Variants in PPP2R2A observed in about 807,000 individuals in gnomAD.
The protein encoded by PPP2R2A is serine/threonine-protein phosphatase 2A 55 kDa regulatory subunit B alpha isoform.
Under a neutral mutation model 53.2 loss-of-function variants are expected in PPP2R2A, and 9 were observed. The ratio of observed to expected loss-of-function variants is 0.17; its 90% CI spans 0.10 to 0.30. The LOEUF (loss-of-function observed/expected upper bound fraction) is 0.30, where lower values mean the gene tolerates loss of function less well. PPP2R2A is among the 10% of genes least tolerant of loss of function. PPP2R2A has a pLI of 1.00. For synonymous variants in PPP2R2A, 169 were observed against 174.2 expected (o/e 0.97, Z 0.23); for missense variants, 235 against 534.6 (o/e 0.44, Z 5.53).
chr8:26,330,666 T>G (rs1000703732), intron 2 of PPP2R2A, among the ~76,000 whole-genome samples: 1 of 152,180 alleles, frequency 6.6e-6, no homozygotes, highest in Non-Finnish European at 1.5e-5. Flanking sequence ...AAAGCTGTTT[T>G]TGGTCCGTGT....
chr8:26,315,566 G>A (rs1464001699), intron 2 of PPP2R2A, among the ~76,000 whole-genome samples: 1 of 152,148 alleles, frequency 6.6e-6, no homozygotes, highest in Non-Finnish European at 1.5e-5. Flanking sequence ...CTCTATTTTA[G>A]AGTCTAGCTT....
chr8:26,298,898 T>G (rs1477933019), intron 2 of PPP2R2A, among the ~76,000 whole-genome samples: 2 of 152,264 alleles, frequency 1.3e-5, no homozygotes, highest in Admixed American at 1.3e-4. Context: ...ATTTTGATAA[T>G]GTGTTTAAAT....
intron 3 of PPP2R2A, among the ~76,000 whole-genome samples, chr8:26,351,491 C>T (rs965913871): frequency 6.6e-6 from 1 of 152,210 alleles, no homozygotes; most frequent in Non-Finnish European, 1.5e-5. Context: ...GGCAACCATA[C>T]TGGACAACAC....
At chr8:26,301,704 T>C (rs888891491) in intron 2 of PPP2R2A, among the ~76,000 whole-genome samples, 6 of 152,198 alleles carry the variant, frequency 3.9e-5, no homozygotes, top group African/African-American at 1.2e-4. Flanking sequence ...AAAATTGATA[T>C]CATTTAGTCC....
In PPP2R2A at chr8:26,362,708, A is replaced by C; in HGVS notation, c.662A>C (p.Asn221Thr). 1 of 1,614,086 alleles carries C rather than the reference A, an allele frequency of 6.2e-7. No homozygotes were observed. The highest frequency in any genetic ancestry group is 8.5e-7 in the Non-Finnish European group (1 of 1,179,972). ...SFNIVDIKPA[N>T]MEELTEVITA... ...GACATTGTGGATATCAAGCCTGCCA[A>C]TATGGAAGAGCTAACAGAGGTGATT... is the stretch of plus-strand genomic sequence containing the variant. The change falls in exon 7 of 10, where the codon AAT (asparagine) becomes ACT (threonine). Residue 221 changes from asparagine (N) to threonine (T), a missense_variant. This residue lies in a region of PPP2R2A where 181 missense variants were observed against 409.9 expected (regional missense o/e 0.44). Transcript: ENST00000380737. This position sits in a 1 kb window ranked among gnomAD's most constrained non-coding sequence, Gnocchi z 4.4.
intron 3 of PPP2R2A, among the ~76,000 whole-genome samples, chr8:26,346,147 ATTT>A (rs748123767): frequency 5.7e-4 from 76 of 134,098 alleles, no homozygotes; most frequent in Non-Finnish European, 6.6e-4. Flanking sequence ...TATTATTATT[ATTT>A]ATTTTAGTTT....
At chr8:26,305,433 A>C (rs1432324710) in intron 2 of PPP2R2A, among the ~76,000 whole-genome samples, 1 of 152,184 alleles carries the variant, frequency 6.6e-6, no homozygotes, top group Admixed American at 6.5e-5. Flanking sequence ...GTCTAGGTAG[A>C]ACATGAAAGT....
chr8:26,356,528 T>C (rs1804792347), intron 4 of PPP2R2A, among the ~76,000 whole-genome samples: 1 of 152,258 alleles, frequency 6.6e-6, no homozygotes, highest in South Asian at 2.1e-4. Context: ...TGTCATATGC[T>C]AGCTTCTAGT....
At chr8:26,358,987 G>A (rs1286660179) in intron 4 of PPP2R2A, 2 of 454,716 alleles carry the variant, frequency 4.4e-6, no homozygotes, top group Non-Finnish European at 8.8e-6. Flanking sequence ...GGAGAAGCCT[G>A]GCAAACATTG....
intron 3 of PPP2R2A, among the ~76,000 whole-genome samples, chr8:26,351,315 A>C (rs1480607099): frequency 6.6e-6 from 1 of 152,084 alleles, no homozygotes; most frequent in Non-Finnish European, 1.5e-5. Context: ...ACCCTGTTGC[A>C]GTGGTCCCTG....
intron 2 of PPP2R2A, among the ~76,000 whole-genome samples, chr8:26,309,427 A>G (rs1045884832): frequency 2.6e-5 from 4 of 152,202 alleles, no homozygotes; most frequent in African/African-American, 9.6e-5. Flanking sequence ...CAGGCAGAGT[A>G]GATTTGGGCC....
intron 1 of PPP2R2A, among the ~76,000 whole-genome samples, chr8:26,292,960 G>T (rs1004777580): frequency 6.6e-6 from 1 of 152,214 alleles, no homozygotes; most frequent in Non-Finnish European, 1.5e-5. Context: ...CAAGTTGCTT[G>T]TTGGCCTTGT....
At chr8:26,367,183 C>G (rs143144724) in intron 9 of PPP2R2A, among the ~76,000 whole-genome samples, 24 of 152,244 alleles carry the variant, frequency 1.6e-4, no homozygotes, top group African/African-American at 5.5e-4. Context: ...TTTCTTTCAT[C>G]TGGCTTTTAA....
chr8:26,293,656 C>T lies in PPP2R2A; in HGVS notation c.8-10C>T. ...AACTCGGTTTTAATTGGTATGTTTT[C>T]TTTTTCCAGGAGCTGGAGGAGGGAA... On this transcript the variant is annotated splice_polypyrimidine_tract_variant and intron_variant, in intron 1 of 9. Transcript: ENST00000380737. 6.2e-7 allele frequency: 1 copy of T among 1,607,706 alleles called. No homozygotes were observed. Among genetic ancestry groups the T allele is most frequent in the Admixed American group, 1.7e-5 (1 of 58,594 alleles).
In PPP2R2A at chr8:26,372,084, T is replaced by C. The variant is rs529844103; in HGVS notation, c.*1671T>C. On this transcript the variant is annotated 3_prime_UTR_variant, in exon 10 of 10. Transcript: ENST00000380737. ...TCAACGAGCCGACCGTGATTCCCTC[T>C]ACTACAAATATTATGTCTTGTAAGT... The C allele has an allele frequency of 3.3e-5, 5 of 152,358 alleles. No individual in the cohort carries two copies. The highest frequency in any genetic ancestry group is 1.2e-4 in the African/African-American group (5 of 41,586). The allele number at this position is 152,358 out of a possible 1,614,324, so 9.4% of individuals were successfully genotyped here.
chr8:26,326,822 A>G (rs1054321041), intron 2 of PPP2R2A, among the ~76,000 whole-genome samples: 5 of 152,226 alleles, frequency 3.3e-5, no homozygotes, highest in Admixed American at 2.6e-4. Context: ...CTTTAAGTCT[A>G]GAATGCTCAA....
chr8:26,316,461 C>T (rs1802562006), intron 2 of PPP2R2A, among the ~76,000 whole-genome samples: 2 of 152,160 alleles, frequency 1.3e-5, no homozygotes, highest in South Asian at 4.1e-4. Flanking sequence ...TTTTAAAGAA[C>T]TTAATATATC....
intron 3 of PPP2R2A, among the ~76,000 whole-genome samples, chr8:26,344,063 A>G (rs995281265): frequency 6.6e-6 from 1 of 152,146 alleles, no homozygotes; most frequent in Non-Finnish European, 1.5e-5. Flanking sequence ...AAAGTCATAC[A>G]GTTAATAAGG....
intron 2 of PPP2R2A, among the ~76,000 whole-genome samples, chr8:26,309,586 T>G (rs1362186652): frequency 6.6e-6 from 1 of 152,220 alleles, no homozygotes; most frequent in Non-Finnish European, 1.5e-5. Flanking sequence ...TGGTATCTTC[T>G]TTGAATACAG....
Sources: gnomAD v4.1 joint callset for allele counts (sites outside exome capture counted in the v4.1 genomes callset) on GRCh38, gnomAD v4.1.1 for gene constraint, gnomAD v4.1.1 regional missense constraint, Gnocchi (gnomAD v3.1) non-coding constraint, MANE v1.5 for transcripts, NCBI Gene and HGNC (gene_info 2026-07-23, HGNC 2026-07-21) for gene names.